ADAMTS3: variants seen among roughly 807,000 people sequenced by gnomAD.
ADAMTS3 encodes A disintegrin and metalloproteinase with thrombospondin motifs 3.
A neutral mutation model predicts 129.0 loss-of-function variants in ADAMTS3; 73 were observed. The observed-to-expected ratio is 0.57, with a 90% CI of 0.47 to 0.69. ADAMTS3 has a LOEUF of 0.69. ADAMTS3 is among the 30% of genes least tolerant of loss of function. The probability of loss-of-function intolerance (pLI) is 0.00; values close to 1 mark genes in which losing one functional copy is unlikely to be tolerated. For missense variants in ADAMTS3, 1,457 were observed against 1,514.5 expected (o/e 0.96, Z 0.63); for synonymous variants, 477 against 510.8 (o/e 0.93, Z 0.89).
chr4:72,399,533 C>T (rs2109904385), intron 4 of ADAMTS3, among the ~76,000 whole-genome samples: 1 of 152,190 alleles, frequency 6.6e-6, no homozygotes, highest in East Asian at 1.9e-4. Flanking sequence ...TGAAGACCTA[C>T]CCTGGGCTAG....
rs191420578 is a variant in ADAMTS3, at chr4:72,285,875, A to C, written c.3050-2171T>G. On this transcript the variant is annotated intron_variant, in intron 21 of 21. Coordinates refer to ENST00000286657, the MANE Select transcript of ADAMTS3 (RefSeq NM_014243.3). ...GGCAACTTTTCAGACTTCTCGTTCC[A>C]CCCCCAAATCATTATAAGAGGTTCT... Among the ~76,000 whole-genome samples the C allele has an allele frequency of 2.2e-4, 34 of 152,006 alleles. No individual in the cohort carries two copies. The East Asian group carries it at 6.4e-3, about 29-fold the overall frequency.
At position 72,319,624 on chromosome 4, in the gene ADAMTS3, C is replaced by A. The variant is rs193087286; in HGVS notation, c.1209-149G>T. 6 of 1,008,862 alleles carry A rather than the reference C, an allele frequency of 5.9e-6. No homozygotes were observed. The East Asian group carries it at 1.6e-4, about 26-fold the overall frequency. 62.5% of individuals were successfully genotyped at this position (1,008,862 alleles called of 1,614,324 possible). A position where few individuals can be genotyped will look rare whatever the true frequency, so the allele number is the denominator to read the frequency against. ...CACAGAAACGGAAATTGACAGCAAT[C>A]TGACAGAAATGCCTTTCTTATTCTA... On this transcript the variant is annotated intron_variant, in intron 8 of 21. Coordinates refer to ENST00000286657, the MANE Select transcript of ADAMTS3 (RefSeq NM_014243.3).
At chr4:72,345,155 T>C (rs889218090) in intron 4 of ADAMTS3, among the ~76,000 whole-genome samples, 4 of 152,174 alleles carry the variant, frequency 2.6e-5, no homozygotes, top group Non-Finnish European at 5.9e-5. Context: ...AGCATCATAT[T>C]GTTTTACAGT....
At chr4:72,298,687 T>A (rs796963155) in intron 17 of ADAMTS3, among the ~76,000 whole-genome samples, 3 of 152,122 alleles carry the variant, frequency 2.0e-5, no homozygotes, top group African/African-American at 7.2e-5. Flanking sequence ...GAGTAAGAGT[T>A]TGTATTATAA....
chr4:72,427,063 ACACAAACTTATCTTTCAGTTCTGTAGAT>A (rs1420205810), intron 3 of ADAMTS3, among the ~76,000 whole-genome samples: 1 of 152,140 alleles, frequency 6.6e-6, no homozygotes, highest in African/African-American at 2.4e-5. Context: ...GCTTAAAACA[ACACAAACTTATCTTTCAGTTCTGTAGAT>A]CAGAAGGCTG....
chr4:72,401,972 A>G (rs1175068849), intron 4 of ADAMTS3, among the ~76,000 whole-genome samples: 7 of 152,358 alleles, frequency 4.6e-5, no homozygotes, highest in African/African-American at 1.4e-4. Context: ...TAACAATAAT[A>G]TCTAAGACAC....
intron 4 of ADAMTS3, among the ~76,000 whole-genome samples, chr4:72,371,458 TAAA>T (rs1424349263): frequency 6.6e-6 from 1 of 150,944 alleles, no homozygotes; most frequent in East Asian, 1.9e-4. Flanking sequence ...AATAAATAAA[TAAA>T]TAAATAAATA....
chr4:72,321,885 G>C (rs2109810130), intron 6 of ADAMTS3, among the ~76,000 whole-genome samples: 1 of 152,056 alleles, frequency 6.6e-6, no homozygotes, highest in East Asian at 1.9e-4. Context: ...CATCACATTA[G>C]GGTCAGGAGT....
chr4:72,456,197 GTATGTACTATATATATTT>G (rs1578696650), intron 3 of ADAMTS3, among the ~76,000 whole-genome samples: 1 of 3,548 alleles, frequency 2.8e-4, no homozygotes, highest in African/African-American at 4.9e-4. Flanking sequence ...TTTATATATA[GTATGTACTATATATATTT>G]TATATATAGT....
chr4:72,476,780 G>A (rs1165650964), intron 3 of ADAMTS3, among the ~76,000 whole-genome samples: 1 of 151,896 alleles, frequency 6.6e-6, no homozygotes, highest in Non-Finnish European at 1.5e-5. Context: ...CAAAAACATA[G>A]CAATAATATA....
At chr4:72,389,664 A>G (rs995946698) in intron 4 of ADAMTS3, among the ~76,000 whole-genome samples, 3 of 152,224 alleles carry the variant, frequency 2.0e-5, no homozygotes, top group East Asian at 3.8e-4. Flanking sequence ...AAAATTTTGT[A>G]AGGTCCACCA....
At chr4:72,550,196 G>A (rs1415666278) in intron 2 of ADAMTS3, among the ~76,000 whole-genome samples, 10 of 151,792 alleles carry the variant, frequency 6.6e-5, no homozygotes, top group African/African-American at 2.4e-4. Context: ...TAATCCTATA[G>A]TGTGTTAAAG....
intron 5 of ADAMTS3, among the ~76,000 whole-genome samples, 158 bp downstream of exon 5, chr4:72,339,336 G>A (rs990187116): frequency 2.6e-5 from 4 of 152,076 alleles, no homozygotes; most frequent in Non-Finnish European, 5.9e-5. Flanking sequence ...TAGCATTCCT[G>A]TACTTTAAAT....
chr4:72,504,579 T>C (rs916880862), intron 3 of ADAMTS3, among the ~76,000 whole-genome samples: 3 of 152,122 alleles, frequency 2.0e-5, no homozygotes, highest in African/African-American at 7.2e-5. Context: ...TTCATAGGTG[T>C]TCTCTGGATT....
At chr4:72,305,770 T>G (rs1719068965) in intron 16 of ADAMTS3, among the ~76,000 whole-genome samples, 1 of 151,986 alleles carries the variant, frequency 6.6e-6, no homozygotes, top group East Asian at 1.9e-4. Context: ...TGTACACACA[T>G]ATACACATGC....
intron 3 of ADAMTS3, among the ~76,000 whole-genome samples, chr4:72,452,349 T>C (rs1373660250): frequency 6.6e-6 from 1 of 151,416 alleles, no homozygotes; most frequent in African/African-American, 2.4e-5. Flanking sequence ...ATATGTATAC[T>C]AGTCAAAGAA....
At chr4:72,563,197 A>G (rs1033891204) in intron 2 of ADAMTS3, among the ~76,000 whole-genome samples, 5 of 152,228 alleles carry the variant, frequency 3.3e-5, no homozygotes, top group African/African-American at 1.2e-4. Context: ...ATGGTGATAC[A>G]TAGCATGCTG....
In ADAMTS3 at chr4:72,480,439, G is replaced by A. The variant is rs184190752; in HGVS notation, c.505-65468C>T. On this transcript the variant is annotated intron_variant, in intron 3 of 21. Transcript: ENST00000286657. ...AAATCATCCTTCTCAGTAAACTATC[G>A]CAAGGACAAAAAACCAAACACCACA... Among the ~76,000 whole-genome samples, 320 of 151,874 alleles carry A rather than the reference G, an allele frequency of 2.1e-3. 1 individual carries two copies. The highest frequency in any genetic ancestry group is 7.2e-3 in the African/African-American group (297 of 41,430).
chr4:72,406,233 A>C (rs1722047795), intron 4 of ADAMTS3, among the ~76,000 whole-genome samples: 1 of 152,114 alleles, frequency 6.6e-6, no homozygotes, highest in South Asian at 2.1e-4. Flanking sequence ...AGTAAATACC[A>C]ACAGGGCTAG....
Sources: allele counts gnomAD v4.1 joint callset (sites outside exome capture counted in the v4.1 genomes callset), GRCh38; gene constraint gnomAD v4.1.1; transcripts MANE v1.5; gene names NCBI Gene and HGNC (gene_info 2026-07-23, HGNC 2026-07-21).